The following TMEM163 variants were observed in gnomAD, a reference collection of about 807,000 sequenced individuals.
The protein encoded by TMEM163 is transmembrane protein 163.
Under a neutral mutation model 29.3 loss-of-function variants are expected in TMEM163, and 17 were observed. That is an observed-to-expected ratio of 0.58 (90% CI 0.40 to 0.87). The LOEUF is 0.87. Ranked by LOEUF, TMEM163 falls within the 40% of genes least tolerant of loss-of-function variation. The pLI is 0.00. For missense variants in TMEM163, 303 were observed against 381.5 expected, an observed-to-expected ratio of 0.79 and a Z score of 1.71; for synonymous variants, 157 against 160.6, an observed-to-expected ratio of 0.98 and a Z score of 0.17.
At chr2:134,656,724 G>C (rs1205642956) in intron 2 of TMEM163, among the ~76,000 whole-genome samples, 1 of 152,224 alleles carries the variant, frequency 6.6e-6, no homozygotes, top group Non-Finnish European at 1.5e-5. Context: ...GACTTTGGCT[G>C]TGGGTATGTC....
chr2:134,595,924 G>C (rs1227187965), intron 2 of TMEM163, among the ~76,000 whole-genome samples: 2 of 152,234 alleles, frequency 1.3e-5, no homozygotes, highest in Non-Finnish European at 2.9e-5. Context: ...CTTTTGAGAA[G>C]TGTCAGTTCA....
intron 2 of TMEM163, among the ~76,000 whole-genome samples, chr2:134,677,074 A>G (rs1684130872): frequency 1.3e-5 from 2 of 152,100 alleles, no homozygotes; most frequent in South Asian, 2.1e-4. Flanking sequence ...GAAAATGTCC[A>G]CACTCCCTGA....
chr2:134,552,199 A>G, intron 2 of TMEM163, 108 bp from the exon 3 acceptor site: 2 of 802,632 alleles, frequency 2.5e-6, no homozygotes, highest in Non-Finnish European at 3.9e-6. Flanking sequence ...GTTCCAAGAG[A>G]ACAAAACCAA....
intron 4 of TMEM163, among the ~76,000 whole-genome samples, chr2:134,516,685 G>GCATATATTCATATATACATATATT (rs1558930277): frequency 7.0e-6 from 1 of 142,246 alleles, no homozygotes; most frequent in Non-Finnish European, 1.5e-5. Context: ...ATACATATAT[G>GCATATATTCATATATACATATATT]CATATATATG....
chr2:134,458,418 T>C, intron 6 of TMEM163: 2 of 519,520 alleles, frequency 3.8e-6, no homozygotes, highest in Non-Finnish European at 7.0e-6. Flanking sequence ...TTCTGGGAAC[T>C]GACGCCATAT....
intron 2 of TMEM163, among the ~76,000 whole-genome samples, chr2:134,701,988 C>G (rs537452596): frequency 6.6e-6 from 1 of 151,794 alleles, no homozygotes; most frequent in Admixed American, 6.6e-5. Flanking sequence ...AACTCAGCTC[C>G]CAAAATTCAA....
At chr2:134,674,602 C>A (rs549664102) in intron 2 of TMEM163, among the ~76,000 whole-genome samples, 3 of 152,004 alleles carry the variant, frequency 2.0e-5, no homozygotes, top group Non-Finnish European at 4.4e-5. Context: ...TCGTGATCCG[C>A]CCCCGTCGGC....
chr2:134,479,458 C>A (rs564826065), intron 5 of TMEM163, among the ~76,000 whole-genome samples: 1 of 152,162 alleles, frequency 6.6e-6, no homozygotes, highest in Non-Finnish European at 1.5e-5. Context: ...AAGAACCTGA[C>A]GGACCCCTGG....
rs1686807025 is a variant in TMEM163, at chr2:134,471,773, A to G, written c.556-5548T>C. Among the ~76,000 whole-genome samples, 4 of 152,280 alleles carry G rather than the reference A, an allele frequency of 2.6e-5. No homozygotes were observed. The South Asian group carries it at 8.3e-4, about 32-fold the overall frequency. ...GCCACTGAATTCTCAGCACTGTCAGAGTGGGCGTCTGACAGATGCATAAAC... is the reference window on the plus strand; with the variant it reads ...GCCACTGAATTCTCAGCACTGTCAGGGTGGGCGTCTGACAGATGCATAAAC... On this transcript the variant is annotated intron_variant, in intron 5 of 7. Transcript: ENST00000281924.
chr2:134,457,357 C>T (rs973257224), intron 7 of TMEM163, among the ~76,000 whole-genome samples: 4 of 152,356 alleles, frequency 2.6e-5, no homozygotes, highest in Middle Eastern at 3.4e-3. Context: ...GCAGCACCAT[C>T]GTCCATTCCC....
intron 2 of TMEM163, among the ~76,000 whole-genome samples, chr2:134,581,844 C>G (rs1484626761): frequency 6.6e-6 from 1 of 152,134 alleles, no homozygotes; most frequent in South Asian, 2.1e-4. Context: ...AGGCAACTAC[C>G]CTTCCATCTC....
chr2:134,696,877 G>A (rs1427552304), intron 2 of TMEM163, among the ~76,000 whole-genome samples: 1 of 152,164 alleles, frequency 6.6e-6, no homozygotes, highest in African/African-American at 2.4e-5. Flanking sequence ...CCAGGTTCAA[G>A]CGATTCTCCT....
chr2:134,483,465 C>A (rs1399431210), intron 5 of TMEM163, among the ~76,000 whole-genome samples: 3 of 152,194 alleles, frequency 2.0e-5, no homozygotes, highest in African/African-American at 7.2e-5. Flanking sequence ...ACCCCAGTAT[C>A]AAACTAGAGT....
At chr2:134,603,409 C>T (rs1158011939) in intron 2 of TMEM163, among the ~76,000 whole-genome samples, 2 of 152,170 alleles carry the variant, frequency 1.3e-5, no homozygotes, top group African/African-American at 2.4e-5. Flanking sequence ...AAATGGCAAG[C>T]GGACAGACCT....
chr2:134,581,113 G>C (rs866382815), intron 2 of TMEM163, among the ~76,000 whole-genome samples: 1 of 152,178 alleles, frequency 6.6e-6, no homozygotes, highest in Non-Finnish European at 1.5e-5. Context: ...GGGCACTGAA[G>C]GGAGAGTCAC....
intron 4 of TMEM163, among the ~76,000 whole-genome samples, chr2:134,546,338 A>C (rs1237769529): frequency 1.3e-5 from 2 of 152,164 alleles, no homozygotes; most frequent in East Asian, 3.9e-4. Context: ...ATATATTTAC[A>C]ATAGAATATT....
chr2:134,499,260 T>G (rs1473191398), intron 5 of TMEM163, among the ~76,000 whole-genome samples: 1 of 152,236 alleles, frequency 6.6e-6, no homozygotes, highest in Non-Finnish European at 1.5e-5. Flanking sequence ...CTGCTTATTT[T>G]GATTAAAACT....
intron 4 of TMEM163, among the ~76,000 whole-genome samples, chr2:134,513,565 A>T (rs1679994674): frequency 2.0e-5 from 3 of 152,196 alleles, no homozygotes; most frequent in Admixed American, 6.5e-5. Flanking sequence ...TCTTGCGAAA[A>T]ACCATGCAGA....
chr2:134,582,378 A>C (rs550240212), intron 2 of TMEM163, among the ~76,000 whole-genome samples: 24 of 152,216 alleles, frequency 1.6e-4, no homozygotes, highest in Non-Finnish European at 1.2e-4. Context: ...TGCTAAGTGC[A>C]AGTGCTCTAC....
Sources: gnomAD v4.1 joint callset for allele counts (sites outside exome capture counted in the v4.1 genomes callset) on GRCh38, gnomAD v4.1.1 for gene constraint, MANE v1.5 for transcripts, NCBI Gene and HGNC (gene_info 2026-07-23, HGNC 2026-07-21) for gene names.